KCNQ3: variants seen among roughly 807,000 people sequenced by gnomAD.
KCNQ3 encodes the protein potassium voltage-gated channel subfamily Q member 3, also known as potassium voltage-gated channel subfamily KQT member 3.
In KCNQ3, 30 loss-of-function variants were observed where a neutral mutation model predicts 92.5. The observed-to-expected ratio is 0.32, with a 90% CI of 0.24 to 0.44. KCNQ3 has a LOEUF of 0.44. KCNQ3 is among the 20% of genes least tolerant of loss of function. KCNQ3 has a pLI of 1.00. For missense variants in KCNQ3, 913 were observed against 1,140.3 expected, an observed-to-expected ratio of 0.80 and a Z score of 2.87; for synonymous variants, 450 against 468.8, an observed-to-expected ratio of 0.96 and a Z score of 0.52.
At chr8:132,336,303 G>A (rs577561077) in intron 1 of KCNQ3, among the ~76,000 whole-genome samples, 6 of 152,196 alleles carry the variant, frequency 3.9e-5, no homozygotes, top group Non-Finnish European at 8.8e-5. Flanking sequence ...TCATGGGTCA[G>A]TGGGCCACAC....
At chr8:132,227,209 G>A (rs1025835869) in intron 1 of KCNQ3, among the ~76,000 whole-genome samples, 2 of 151,876 alleles carry the variant, frequency 1.3e-5, no homozygotes, top group Middle Eastern at 3.4e-3. Flanking sequence ...CTACAGGCAC[G>A]TGCCCCAACA....
intron 9 of KCNQ3, 43 bp from the exon 10 acceptor site, chr8:132,141,374 A>G: frequency 6.4e-7 from 1 of 1,562,418 alleles, no homozygotes; most frequent in East Asian, 2.2e-5. Context: ...CCTTCAGTGC[A>G]GGCTCTTAAA....
intron 1 of KCNQ3, among the ~76,000 whole-genome samples, chr8:132,263,209 G>A (rs1164022117): frequency 6.6e-6 from 1 of 152,170 alleles, no homozygotes; most frequent in Non-Finnish European, 1.5e-5. Flanking sequence ...ACTCATCCTG[G>A]ATGCTCCAGC....
At chr8:132,343,340 T>C (rs1818590368) in intron 1 of KCNQ3, among the ~76,000 whole-genome samples, 1 of 152,218 alleles carries the variant, frequency 6.6e-6, no homozygotes, top group African/African-American at 2.4e-5. Flanking sequence ...TACATGACAC[T>C]GCCTGTATTA....
At chr8:132,394,447 C>T (rs1432218477) in intron 1 of KCNQ3, among the ~76,000 whole-genome samples, 1 of 152,094 alleles carries the variant, frequency 6.6e-6, no homozygotes, top group Admixed American at 6.5e-5. Flanking sequence ...TGACCTCCCA[C>T]CCCCCAAATT....
chr8:132,182,623 A>T (rs966865120), intron 3 of KCNQ3, among the ~76,000 whole-genome samples: 1 of 152,236 alleles, frequency 6.6e-6, no homozygotes, highest in Admixed American at 6.5e-5. Context: ...ATGTTCTCAA[A>T]CTGAGAAGGA....
chr8:132,253,842 C>A (rs1815492489), intron 1 of KCNQ3, among the ~76,000 whole-genome samples: 1 of 152,208 alleles, frequency 6.6e-6, no homozygotes, highest in Admixed American at 6.5e-5. Flanking sequence ...GGCCCTGGGG[C>A]AGAACCTCAC....
At chr8:132,299,972 T>C (rs1480724343) in intron 1 of KCNQ3, among the ~76,000 whole-genome samples, 1 of 152,236 alleles carries the variant, frequency 6.6e-6, no homozygotes, top group African/African-American at 2.4e-5. Flanking sequence ...GACATCTTTC[T>C]ATTTCAGCAC....
At chr8:132,393,122 A>G (rs1387299968) in intron 1 of KCNQ3, among the ~76,000 whole-genome samples, 1 of 152,166 alleles carries the variant, frequency 6.6e-6, no homozygotes, top group Non-Finnish European at 1.5e-5. Context: ...GAAGAAGTCA[A>G]TGGCTTCACA....
chr8:132,169,345 T>C (rs1330539982), intron 8 of KCNQ3, among the ~76,000 whole-genome samples: 1 of 152,222 alleles, frequency 6.6e-6, no homozygotes, highest in Non-Finnish European at 1.5e-5. Flanking sequence ...ATAGGGTACC[T>C]GTGGGGAATA....
chr8:132,152,104 T>C (rs945457603), intron 9 of KCNQ3, among the ~76,000 whole-genome samples: 12 of 152,184 alleles, frequency 7.9e-5, no homozygotes, highest in African/African-American at 2.9e-4. Context: ...AAAAGACGGT[T>C]TATAATAAGC....
At chr8:132,217,158 A>C (rs1322069028) in intron 1 of KCNQ3, among the ~76,000 whole-genome samples, 2 of 152,128 alleles carry the variant, frequency 1.3e-5, no homozygotes, top group African/African-American at 4.8e-5. Flanking sequence ...TGGCAGGTTG[A>C]AATTTACCAC....
intron 1 of KCNQ3, among the ~76,000 whole-genome samples, chr8:132,238,268 A>C (rs557050579): frequency 6.6e-6 from 1 of 152,278 alleles, no homozygotes; most frequent in South Asian, 2.1e-4. Context: ...TAAGCAAGAC[A>C]AAGAGACAAA....
chr8:132,291,136 G>A (rs1300439697), intron 1 of KCNQ3, among the ~76,000 whole-genome samples: 7 of 152,194 alleles, frequency 4.6e-5, no homozygotes, highest in Non-Finnish European at 7.3e-5. Flanking sequence ...GGAGGAAAGG[G>A]AGACAGCAAA....
chr8:132,139,717 A>G (rs1825222147), intron 11 of KCNQ3, among the ~76,000 whole-genome samples: 1 of 152,210 alleles, frequency 6.6e-6, no homozygotes, highest in African/African-American at 2.4e-5. Flanking sequence ...AAGAAAAACC[A>G]TTTTGAGCAA....
At chr8:132,457,939 T>C (rs1318786218) in intron 1 of KCNQ3, among the ~76,000 whole-genome samples, 1 of 152,192 alleles carries the variant, frequency 6.6e-6, no homozygotes, top group Non-Finnish European at 1.5e-5. Context: ...GCCCACACTG[T>C]TGTGAGAGGG....
chr8:132,441,416 C>T (rs911960130), intron 1 of KCNQ3, among the ~76,000 whole-genome samples: 54 of 151,936 alleles, frequency 3.6e-4, no homozygotes, highest in African/African-American at 1.3e-3. Flanking sequence ...TAGCCAGGCG[C>T]GGTGGCAGGC....
chr8:132,358,106 A>G (rs1819065830), intron 1 of KCNQ3, among the ~76,000 whole-genome samples: 1 of 152,234 alleles, frequency 6.6e-6, no homozygotes, highest in African/African-American at 2.4e-5. Flanking sequence ...GGTCAGGGAT[A>G]AAGTTGTAAT....
At chr8:132,167,411 G>C (rs985712831) in intron 8 of KCNQ3, among the ~76,000 whole-genome samples, 2 of 152,066 alleles carry the variant, frequency 1.3e-5, no homozygotes, top group African/African-American at 4.8e-5. Context: ...ACTTTAAAAG[G>C]GTACCTTTTA....
Sources: gnomAD v4.1 joint callset for allele counts (sites outside exome capture counted in the v4.1 genomes callset) on GRCh38, gnomAD v4.1.1 for gene constraint, MANE v1.5 for transcripts, NCBI Gene and HGNC (gene_info 2026-07-23, HGNC 2026-07-21) for gene names.